RAP1GDS1: variants seen among roughly 807,000 people sequenced by gnomAD.
The protein encoded by RAP1GDS1 is Rap1 GTPase-GDP dissociation stimulator 1.
RAP1GDS1 carries 35 observed loss-of-function variants against 71.1 expected under a neutral mutation model. That is an observed-to-expected ratio of 0.49 (90% CI 0.38 to 0.65). The LOEUF (loss-of-function observed/expected upper bound fraction) is 0.65, where lower values mean the gene tolerates loss of function less well. Ranked by LOEUF, RAP1GDS1 falls within the 30% of genes least tolerant of loss-of-function variation. RAP1GDS1 has a pLI of 0.00. For missense variants in RAP1GDS1, 663 were observed against 706.1 expected (o/e 0.94, Z 0.69); for synonymous variants, 229 against 243.1 (o/e 0.94, Z 0.54).
At chr4:98,317,446 G>A (rs1731102092) in intron 2 of RAP1GDS1, among the ~76,000 whole-genome samples, 1 of 152,040 alleles carries the variant, frequency 6.6e-6, no homozygotes, top group Admixed American at 6.6e-5. Context: ...CCAAATTCGG[G>A]GCTAAGGTCA....
intron 2 of RAP1GDS1, among the ~76,000 whole-genome samples, chr4:98,308,295 C>CTATATATATAT (rs1368490048): frequency 4.2e-5 from 3 of 72,148 alleles, no homozygotes; most frequent in South Asian, 1.2e-3. Context: ...TACACACACA[C>CTATATATATAT]ACTATATATA....
At chr4:98,287,115 A>G (rs73834404) in intron 1 of RAP1GDS1, among the ~76,000 whole-genome samples, 6,324 of 152,170 alleles carry the variant, frequency 0.042, 300 homozygotes, top group African/African-American at 0.12. Flanking sequence ...AGGATTTACT[A>G]AATTTTCACT....
In RAP1GDS1 at chr4:98,439,527, C is replaced by T. The variant is rs866685091; in HGVS notation, c.1696+2459C>T. On this transcript the variant is annotated intron_variant, in intron 14 of 14. Transcript: ENST00000408927. The stretch of plus-strand genomic sequence containing the variant: ...TTCAGCCCCATTCTATCCACTCTTT[C>T]CAGACCTTTGTTGACACTAATGTGA... Among the ~76,000 whole-genome samples the T allele has an allele frequency of 5.9e-5, 9 of 152,160 alleles. No homozygotes were observed. In the South Asian group the frequency reaches 1.0e-3, roughly 18 times the overall value.
At chr4:98,287,846 G>A (rs1726271207) in intron 1 of RAP1GDS1, among the ~76,000 whole-genome samples, 2 of 151,812 alleles carry the variant, frequency 1.3e-5, no homozygotes, top group Admixed American at 1.3e-4. Flanking sequence ...TAGTATTTAG[G>A]TACATTCCTG....
chr4:98,376,594 T>A (rs1741217135), intron 4 of RAP1GDS1, among the ~76,000 whole-genome samples: 1 of 151,994 alleles, frequency 6.6e-6, no homozygotes, highest in Non-Finnish European at 1.5e-5. Flanking sequence ...TTAAATATTT[T>A]TAAAAAAATG....
chr4:98,438,567 CATATAT>C (rs36034058), intron 14 of RAP1GDS1, among the ~76,000 whole-genome samples: 9 of 104,732 alleles, frequency 8.6e-5, no homozygotes, highest in African/African-American at 3.4e-4. Context: ...TTTATTCTTC[CATATAT>C]ATATATATAT....
At chr4:98,437,535 T>C (rs1751308819) in intron 14 of RAP1GDS1, among the ~76,000 whole-genome samples, 1 of 152,174 alleles carries the variant, frequency 6.6e-6, no homozygotes, top group Admixed American at 6.5e-5. Flanking sequence ...GGCTCATGCC[T>C]GTACTCCCAG....
chr4:98,362,569 T>C (rs1343957771), intron 4 of RAP1GDS1, among the ~76,000 whole-genome samples: 3 of 146,630 alleles, frequency 2.0e-5, no homozygotes, highest in Non-Finnish European at 2.9e-5. Flanking sequence ...AAGCAGTATA[T>C]TTAATAGGAA....
chr4:98,312,868 G>A (rs1462761369), intron 2 of RAP1GDS1, among the ~76,000 whole-genome samples: 2 of 151,640 alleles, frequency 1.3e-5, no homozygotes, highest in Non-Finnish European at 1.5e-5. Context: ...AGGAGATCGA[G>A]ACCATCCTGG....
chr4:98,315,623 G>C (rs1466982401), intron 2 of RAP1GDS1, among the ~76,000 whole-genome samples: 1 of 152,106 alleles, frequency 6.6e-6, no homozygotes, highest in Non-Finnish European at 1.5e-5. Context: ...GAAAAGCTTG[G>C]TATGGCTAGC....
chr4:98,310,789 T>C (rs967539869), intron 2 of RAP1GDS1, among the ~76,000 whole-genome samples: 2 of 151,666 alleles, frequency 1.3e-5, no homozygotes, highest in African/African-American at 4.9e-5. Context: ...AGATAAACTA[T>C]AATCTCAAAG....
chr4:98,342,462 T>C (rs910751560), intron 2 of RAP1GDS1, among the ~76,000 whole-genome samples: 1 of 151,580 alleles, frequency 6.6e-6, no homozygotes, highest in Non-Finnish European at 1.5e-5. Flanking sequence ...GTAACATACA[T>C]GAAGTAGCTT....
chr4:98,366,582 C>T (rs1739526023), intron 4 of RAP1GDS1, among the ~76,000 whole-genome samples: 1 of 152,094 alleles, frequency 6.6e-6, no homozygotes, highest in Admixed American at 6.6e-5. Flanking sequence ...AAAATGTAGG[C>T]AAGTTTAGAC....
chr4:98,369,694 G>A (rs143921140), intron 4 of RAP1GDS1, among the ~76,000 whole-genome samples: 13 of 152,282 alleles, frequency 8.5e-5, no homozygotes, highest in African/African-American at 2.9e-4. Flanking sequence ...AGAGGTGGAG[G>A]GAAAGATGGC....
At chr4:98,304,876 G>T (rs1055344950) in intron 2 of RAP1GDS1, among the ~76,000 whole-genome samples, 3 of 152,116 alleles carry the variant, frequency 2.0e-5, no homozygotes, top group African/African-American at 7.2e-5. Context: ...TTTGTATAGG[G>T]TGTAAGGAAG....
chr4:98,293,304 A>AT, intron 1 of RAP1GDS1, 104 bp from the exon 2 acceptor site: 1 of 720,506 alleles, frequency 1.4e-6, no homozygotes, highest in Non-Finnish European at 2.3e-6. Flanking sequence ...TTAATTTGCT[A>AT]TTATAGGAAG....
intron 1 of RAP1GDS1, among the ~76,000 whole-genome samples, chr4:98,262,467 AT>A (rs1220626177): frequency 1.3e-5 from 2 of 152,202 alleles, no homozygotes; most frequent in Non-Finnish European, 2.9e-5. Flanking sequence ...ATTTGACCTA[AT>A]TTTTTTACAT....
At chr4:98,380,217 A>G (rs1578660141) in intron 5 of RAP1GDS1, among the ~76,000 whole-genome samples, 1 of 151,076 alleles carries the variant, frequency 6.6e-6, no homozygotes, top group Non-Finnish European at 1.5e-5. Context: ...GAAAACCACT[A>G]CTCTTCTCTA....
chr4:98,417,406 G>T lies in RAP1GDS1; in HGVS notation c.947G>T (p.Ser316Ile), dbSNP rs1443347646. The change falls in exon 9 of 15, where the codon AGT becomes ATT. Residue 316 changes from serine to isoleucine, a missense_variant. Transcript: ENST00000408927. ...MQKLFEGGKG[S>I]VFQRVLSWIP... ...AAGTTATTTGAAGGAGGAAAAGGTA[G>T]TGTATTTCAAAGGGTACTCTCTTGG... is the stretch of plus-strand genomic sequence containing the variant. 1 of 1,612,942 alleles carries T rather than the reference G, an allele frequency of 6.2e-7. No individual in the cohort carries two copies. Among genetic ancestry groups the T allele is most frequent in the Admixed American group, 1.7e-5 (1 of 60,022 alleles).
Sources: gnomAD v4.1 joint callset for allele counts (sites outside exome capture counted in the v4.1 genomes callset) on GRCh38, gnomAD v4.1.1 for gene constraint, MANE v1.5 for transcripts, NCBI Gene and HGNC (gene_info 2026-07-23, HGNC 2026-07-21) for gene names.